PTCD1: variants seen among roughly 807,000 people sequenced by gnomAD.
The protein encoded by PTCD1 is pentatricopeptide repeat-containing protein 1, mitochondrial.
PTCD1 carries 50 observed loss-of-function variants against 53.4 expected under a neutral mutation model. The observed-to-expected ratio is 0.94, with a 90% CI of 0.75 to 1.19. PTCD1 has a LOEUF of 1.19. Among genes scored for constraint, PTCD1 ranks in the 50% most tolerant of loss-of-function variants. The pLI, the probability that PTCD1 is intolerant of heterozygous loss-of-function variation, is 0.00. For synonymous variants in PTCD1, 413 were observed against 394.8 expected, an observed-to-expected ratio of 1.05 and a Z score of -0.55; for missense variants, 918 against 904.8, an observed-to-expected ratio of 1.01 and a Z score of -0.19.
intron 3 of PTCD1, among the ~76,000 whole-genome samples, chr7:99,431,325 T>G (rs1796241569): frequency 6.6e-6 from 1 of 151,952 alleles, no homozygotes; most frequent in African/African-American, 2.4e-5. Context: ...AGACAGGGTT[T>G]CACCATGTTG....
At position 99,417,431 on chromosome 7, in the gene PTCD1, C is replaced by A; in HGVS notation, c.*2536G>T. 6.2e-7 allele frequency: 1 copy of A among 1,613,850 alleles called. No homozygotes were observed. The highest frequency in any genetic ancestry group is 8.5e-7 in the Non-Finnish European group (1 of 1,179,864). ...CTCTTTCCCCATCTTTTTGACAGAA[C>A]TCTATGAATATTGTATTAAAGAAGG... On this transcript the variant is annotated 3_prime_UTR_variant, in exon 8 of 8. Transcript: ENST00000292478.
In PTCD1 at chr7:99,423,912, T is replaced by A. The variant is rs781654991; in HGVS notation, c.1783A>T (p.Asn595Tyr). Residue 595 changes from asparagine to tyrosine, a missense_variant, in exon 7 of 8, where the codon AAC becomes TAC. Coordinates refer to ENST00000292478, the MANE Select transcript of PTCD1 (RefSeq NM_015545.4). ...TAGTTCAGCTTCCTGATGGCCGCGT[T>A]GATGAGGGCACTGTAGATGTGAGTG... ...PNTHIYSALINAAIRKLNYTY... is the reference protein window; with the variant it reads ...PNTHIYSALIYAAIRKLNYTY... 30 of 1,614,136 alleles carry A rather than the reference T, an allele frequency of 1.9e-5. No individual in the cohort carries two copies. In the East Asian group the frequency reaches 6.7e-4, roughly 36 times the overall value.
In PTCD1 at chr7:99,419,123, TTC is replaced by T; in HGVS notation, c.*842_*843del. On this transcript the variant is annotated 3_prime_UTR_variant, in exon 8 of 8. Transcript: ENST00000292478. Reference sequence around the variant, plus strand: ...AATAACGAGACTCATTCACACCGATTTCTTTTTCTTGATTGGCAAACGTGTGT... The same window carrying T: ...AATAACGAGACTCATTCACACCGATTTTTTTCTTGATTGGCAAACGTGTGT... 1.9e-6 allele frequency: 1 copy of T among 530,014 alleles called. No homozygotes were observed. The highest frequency in any genetic ancestry group is 3.4e-6 in the Non-Finnish European group (1 of 293,856). The allele number at this position is 530,014 out of a possible 1,614,324, so 32.8% of individuals were successfully genotyped here.
chr7:99,420,965 A>G (rs1304429469), intron 7 of PTCD1, among the ~76,000 whole-genome samples: 1 of 152,038 alleles, frequency 6.6e-6, no homozygotes, highest in Non-Finnish European at 1.5e-5. Flanking sequence ...ACAAAAACAA[A>G]AAAAGGTTTG....
Position 99,433,304 on chromosome 7 carries a change from T to C in PTCD1, c.568A>G (p.Lys190Glu), listed in dbSNP as rs988910048. 3 of 1,614,130 alleles carry C rather than the reference T, an allele frequency of 1.9e-6. No homozygotes were observed. In the African/African-American group the frequency reaches 4.0e-5, roughly 22 times the overall value. Residue 190 changes from lysine (K) to glutamate (E), a missense_variant, in exon 3 of 8, where the codon AAG becomes GAG. By Grantham distance (56) the Lys-to-Glu change is moderately conservative (BLOSUM62 1). Coordinates refer to ENST00000292478, the MANE Select transcript of PTCD1 (RefSeq NM_015545.4). ...TGGTTGTAGAGGTTGAAGGCCTTCT[T>C]CAGGTAGCCAACCCGCCCGCAGCCC... is the stretch of plus-strand genomic sequence containing the variant. ...IGGCGRVGYL[K>E]KAFNLYNQMK...
At chr7:99,429,469 A>AC in intron 4 of PTCD1, 119 bp downstream of exon 4, 1 of 1,462,400 alleles carries the variant, frequency 6.8e-7, no homozygotes, top group Admixed American at 1.9e-5. Flanking sequence ...AGGGCCCAAT[A>AC]CCGGCTGTCT....
At chr7:99,427,199 C>A (rs1175658548) in intron 5 of PTCD1, among the ~76,000 whole-genome samples, 7 of 146,462 alleles carry the variant, frequency 4.8e-5, no homozygotes, top group Non-Finnish European at 6.1e-5. Flanking sequence ...GCCCCCTGCC[C>A]GGCCAGCCGC....
At chr7:99,437,421 C>A (rs1230564445) in intron 1 of PTCD1, among the ~76,000 whole-genome samples, 1 of 151,996 alleles carries the variant, frequency 6.6e-6, no homozygotes, top group Non-Finnish European at 1.5e-5. Context: ...TCTCCTGCCT[C>A]AGCCTCCCCT....
rs1795732184 is a variant in PTCD1 at position 99,420,117 on chromosome 7, A to G, written c.1953T>C (p.Ile651=). 6.2e-7 allele frequency: 1 copy of G among 1,614,146 alleles called. No homozygotes were observed. Among genetic ancestry groups the G allele is most frequent in the East Asian group, 2.2e-5 (1 of 44,878 alleles). ...YQGKNTYLEK[I]DGFRAYYKQW... ...GCTTGTAATAGGCTCGGAAGCCGTC[A>G]ATCTTCTCCAGGTAGGTGTTCTTCC... Residue 651 remains isoleucine, a synonymous_variant, in exon 8 of 8, where the codon ATT becomes ATC. Coordinates refer to ENST00000292478, the MANE Select transcript of PTCD1 (RefSeq NM_015545.4).
chr7:99,426,529 T>C (rs1796031554), intron 5 of PTCD1, among the ~76,000 whole-genome samples: 1 of 152,162 alleles, frequency 6.6e-6, no homozygotes. Flanking sequence ...TGGCGTGATC[T>C]CGGCTCGCTA....
Position 99,425,424 on chromosome 7 carries a change from T to A in PTCD1, c.1108A>T (p.Lys370Ter). 1 of 1,614,090 alleles carries A rather than the reference T, an allele frequency of 6.2e-7. No individual in the cohort carries two copies. The highest frequency in any genetic ancestry group is 8.5e-7 in the Non-Finnish European group (1 of 1,180,034). The change falls in exon 6 of 8, where the codon AAG (lysine) becomes TAG (stop). Residue 370 changes from lysine (K) to a stop codon, truncating the protein, a stop_gained. Transcript: ENST00000292478. LOFTEE classifies it high-confidence loss of function. ...RQRPRRTAQA[K>*]AGNLMSAMLH... ...ATGGCTGACATGAGGTTGCCTGCCT[T>A]GGCCTGGGCTGTCCTCCTTGGCCGC...
chr7:99,429,808 T>A lies in PTCD1; in HGVS notation c.595-2A>T. On this transcript the variant is annotated splice_acceptor_variant, in intron 3 of 7. Coordinates refer to ENST00000292478, the MANE Select transcript of PTCD1 (RefSeq NM_015545.4). LOFTEE classifies it high-confidence loss of function. ...GGGCTCCAGGTCCCGCTTTTTCATCTGTGGAGATGGAAGAAGCTCAGTGGT... is the reference window on the plus strand; with the variant it reads ...GGGCTCCAGGTCCCGCTTTTTCATCAGTGGAGATGGAAGAAGCTCAGTGGT... 1 of 1,613,994 alleles carries A rather than the reference T, an allele frequency of 6.2e-7. No homozygotes were observed. Among genetic ancestry groups the A allele is most frequent in the Non-Finnish European group, 8.5e-7 (1 of 1,180,010 alleles).
chr7:99,432,386 T>A (rs1343096897), intron 3 of PTCD1, among the ~76,000 whole-genome samples: 2 of 152,218 alleles, frequency 1.3e-5, no homozygotes, highest in Non-Finnish European at 2.9e-5. Flanking sequence ...TACTGCTCTT[T>A]GATGCACGAG....
chr7:99,433,125 T>C (rs1276339714), intron 3 of PTCD1, among the ~76,000 whole-genome samples, 153 bp downstream of exon 3: 2 of 152,208 alleles, frequency 1.3e-5, no homozygotes, highest in East Asian at 3.9e-4. Flanking sequence ...TCATCTCGTT[T>C]ATCACCCACA....
chr7:99,436,587 C>T (rs1312431581), intron 1 of PTCD1, among the ~76,000 whole-genome samples: 1 of 152,114 alleles, frequency 6.6e-6, no homozygotes, highest in Non-Finnish European at 1.5e-5. Flanking sequence ...TGCACTCCAG[C>T]CTGAGCGACA....
rs150392367 is a variant in PTCD1, at chr7:99,422,548, A to G, written c.1920+1227T>C. Among the ~76,000 whole-genome samples, 38 of 152,386 alleles carry G rather than the reference A, an allele frequency of 2.5e-4. 1 individual carries two copies. In the East Asian group the frequency reaches 6.5e-3, roughly 26 times the overall value. ...TATTTAGGCAGATAATAAGGGCAAC[A>G]GAGTCCTTGGCGAAATTTCCCTTTT... On this transcript the variant is annotated intron_variant, in intron 7 of 7. Transcript: ENST00000292478.
intron 5 of PTCD1, among the ~76,000 whole-genome samples, chr7:99,426,235 C>A (rs939412015): frequency 6.7e-6 from 1 of 149,668 alleles, no homozygotes; most frequent in African/African-American, 2.5e-5. Flanking sequence ...CCCTCTGATG[C>A]CCAGCTGAAG....
Position 99,429,756 on chromosome 7 carries a change from G to C in PTCD1, c.645C>G (p.Phe215Leu), listed in dbSNP as rs184522514. ...TCCAGGGGGACTCGGCACAGACGTT[G>C]AACAGGGCCGTGTAGGTGGCGTCCG... ...EPSDATYTAL[F>L]NVCAESPWKD... Residue 215 changes from phenylalanine to leucine, a missense_variant, in exon 4 of 8, where the codon TTC (phenylalanine) becomes TTG (leucine). Coordinates refer to ENST00000292478, the MANE Select transcript of PTCD1 (RefSeq NM_015545.4). 4.3e-6 allele frequency: 7 copies of C among 1,614,220 alleles called. No homozygotes were observed. The East Asian group carries it at 1.3e-4, about 31-fold the overall frequency.
rs140316967 is a variant in PTCD1 at position 99,435,199 on chromosome 7, G to T, written c.44C>A (p.Pro15His). 3.9e-5 allele frequency: 62 copies of T among 1,605,014 alleles called. No homozygotes were observed. In the African/African-American group the frequency reaches 7.7e-4, roughly 20 times the overall value. The stretch of plus-strand genomic sequence containing the variant: ...GTGTTGCAGGATGAACAGTCCCATG[G>T]GGCGGGCCCTGGCGAACAGTCGAGC... ...RLARLFARAR[P>H]MGLFILQHLD... The change falls in exon 2 of 8, where the codon CCC becomes CAC. Residue 15 changes from proline (P) to histidine (H), a missense_variant. Coordinates refer to ENST00000292478, the MANE Select transcript of PTCD1 (RefSeq NM_015545.4).
Sources: allele counts gnomAD v4.1 joint callset (sites outside exome capture counted in the v4.1 genomes callset), GRCh38; gene constraint gnomAD v4.1.1; transcripts MANE v1.5; gene names NCBI Gene and HGNC (gene_info 2026-07-23, HGNC 2026-07-21).